The following PACC1 variants were observed in gnomAD, a reference collection of about 807,000 sequenced individuals.
The protein encoded by PACC1 is proton activated chloride channel 1, also known as proton-activated chloride channel.
A neutral mutation model predicts 39.7 loss-of-function variants in PACC1; 34 were observed. The ratio of observed to expected loss-of-function variants is 0.86; its 90% confidence interval spans 0.65 to 1.14. The LOEUF (loss-of-function observed/expected upper bound fraction) is 1.14. Among genes scored for constraint, PACC1 ranks in the 50% most tolerant of loss-of-function variants. The probability of loss-of-function intolerance (pLI) is 0.00; values close to 1 mark genes in which losing one functional copy is unlikely to be tolerated. For missense variants in PACC1, 379 were observed against 436.4 expected (o/e 0.87, Z 1.17); for synonymous variants, 127 against 160.6 (o/e 0.79, Z 1.58).
chr1:212,414,867 T>G lies in PACC1; in HGVS notation c.-110A>C. 1 of 1,424,800 alleles carries G rather than the reference T, an allele frequency of 7.0e-7. No individual in the cohort carries two copies. The highest frequency in any genetic ancestry group is 1.4e-5 in the African/African-American group (1 of 70,466). The allele number at this position is 1,424,800 out of a possible 1,614,324, so 88.3% of individuals were successfully genotyped here. On this transcript the variant is annotated 5_prime_UTR_variant, in exon 1 of 8. Transcript: ENST00000261455. The stretch of plus-strand genomic sequence containing the variant: ...TACCGGCTCCGCGAGGCGAAACCGG[T>G]CCGGAGGGGCGTCCCAGAGACCAGG...
Position 212,404,161 on chromosome 1 carries a change from C to T in PACC1, c.133+6264G>A, listed in dbSNP as rs891877078. Reference sequence around the variant, plus strand: ...TCGCTCTGTCGCCCAGGCTGGAGTACAGTGGCGCGATCTCAGCTCACTGCA... The same window carrying T: ...TCGCTCTGTCGCCCAGGCTGGAGTATAGTGGCGCGATCTCAGCTCACTGCA... On this transcript the variant is annotated intron_variant, in intron 2 of 7. Transcript: ENST00000261455. Among the ~76,000 whole-genome samples, 6 of 152,044 alleles carry T rather than the reference C, an allele frequency of 3.9e-5. No individual in the cohort carries two copies. The South Asian group carries it at 1.0e-3, about 26-fold the overall frequency.
At chr1:212,382,323 T>A in intron 4 of PACC1, among the ~76,000 whole-genome samples, 1 of 151,938 alleles carries the variant, frequency 6.6e-6, no homozygotes, top group Non-Finnish European at 1.5e-5. Context: ...ATTACAGGCA[T>A]GAGCCACCAC....
intron 2 of PACC1, among the ~76,000 whole-genome samples, chr1:212,407,497 C>T (rs974036222): frequency 6.6e-6 from 1 of 152,184 alleles, no homozygotes; most frequent in Non-Finnish European, 1.5e-5. Context: ...CAATAGAAAA[C>T]TAATATACAG....
chr1:212,376,099 G>C (rs1660656104), intron 6 of PACC1, among the ~76,000 whole-genome samples: 1 of 152,140 alleles, frequency 6.6e-6, no homozygotes, highest in South Asian at 2.1e-4. Flanking sequence ...ATACTTAGTA[G>C]GTGTGCTTGG....
Position 212,389,321 on chromosome 1 carries a change from CA to C in PACC1, c.134-2222del, listed in dbSNP as rs374706804. Among the ~76,000 whole-genome samples, 198 of 152,228 alleles carry C rather than the reference CA, an allele frequency of 1.3e-3. 3 individuals carry two copies. The highest frequency in any genetic ancestry group is 4.6e-3 in the African/African-American group (191 of 41,534). On this transcript the variant is annotated intron_variant, in intron 2 of 7. Transcript: ENST00000261455. ...TGTTCAGATCCTTGGCTGGAGAACCCAGGGGGGGCCAGCAAAAAGTAACAAC... is the reference window on the plus strand; with the variant it reads ...TGTTCAGATCCTTGGCTGGAGAACCCGGGGGGGCCAGCAAAAAGTAACAAC...
chr1:212,414,631 G>T, intron 1 of PACC1, 91 bp downstream of exon 1: 1 of 1,505,832 alleles, frequency 6.6e-7, no homozygotes, highest in Non-Finnish European at 9.1e-7. Context: ...CTGCCGCGCA[G>T]CCCCGACACC....
chr1:212,399,867 G>C (rs186488854), intron 2 of PACC1, among the ~76,000 whole-genome samples: 2 of 150,176 alleles, frequency 1.3e-5, no homozygotes, highest in East Asian at 4.0e-4. Flanking sequence ...TTTTTGAGAC[G>C]GAGTTTCACT....
intron 7 of PACC1, among the ~76,000 whole-genome samples, chr1:212,366,725 T>C (rs754946246): frequency 6.6e-6 from 1 of 152,132 alleles, no homozygotes; most frequent in East Asian, 1.9e-4. Flanking sequence ...ATACTGAATA[T>C]AGTAGGTTAA....
intron 2 of PACC1, among the ~76,000 whole-genome samples, chr1:212,409,037 T>A (rs774269291): frequency 6.6e-6 from 1 of 152,242 alleles, no homozygotes; most frequent in Non-Finnish European, 1.5e-5. Flanking sequence ...GCAAATCCTA[T>A]TGTAAGCTGC....
rs372871874 is a variant in PACC1, at chr1:212,406,072, G to T, written c.133+4353C>A. Among the ~76,000 whole-genome samples, 3 of 120,588 alleles carry T rather than the reference G, an allele frequency of 2.5e-5. 1 individual carries two copies. The South Asian group carries it at 8.3e-4, about 34-fold the overall frequency. The allele number at this position is 120,588 out of a possible 152,430, so 79.1% of individuals were successfully genotyped here. ...TGAGCCATGATCACACCACTGTACT[G>T]TAGCCCAGTCCACAAAGCAAGGTCC... On this transcript the variant is annotated intron_variant, in intron 2 of 7. Transcript: ENST00000261455.
chr1:212,368,882 A>C (rs1198039078), intron 7 of PACC1, among the ~76,000 whole-genome samples: 1 of 152,084 alleles, frequency 6.6e-6, no homozygotes, highest in African/African-American at 2.4e-5. Flanking sequence ...AATACAAAAA[A>C]TTAGCCGGGC....
chr1:212,400,189 CAATAT>C (rs1339119371), intron 2 of PACC1, among the ~76,000 whole-genome samples: 3 of 152,064 alleles, frequency 2.0e-5, no homozygotes, highest in African/African-American at 7.2e-5. Context: ...CCAGGCTGAA[CAATAT>C]AATAAAGACG....
At chr1:212,377,435 T>G (rs1358162394) in intron 6 of PACC1, 127 bp downstream of exon 6, 1 of 1,316,152 alleles carries the variant, frequency 7.6e-7, no homozygotes, top group Non-Finnish European at 1.1e-6. Context: ...TCCCTTCTCA[T>G]CCTGACCAAG....
At chr1:212,414,086 G>A in intron 1 of PACC1, 1 of 1,530,660 alleles carries the variant, frequency 6.5e-7, no homozygotes, top group African/African-American at 1.4e-5. Flanking sequence ...ACAGCCTGCA[G>A]CGCAGGACAG....
At chr1:212,404,145 C>T (rs1172801109) in intron 2 of PACC1, among the ~76,000 whole-genome samples, 2 of 151,696 alleles carry the variant, frequency 1.3e-5, no homozygotes, top group African/African-American at 2.4e-5. Context: ...CTCGCTCTGT[C>T]GCCCAGGCTG....
intron 2 of PACC1, among the ~76,000 whole-genome samples, chr1:212,409,962 C>T (rs997540525): frequency 2.6e-5 from 4 of 152,102 alleles, no homozygotes; most frequent in Non-Finnish European, 5.9e-5. Context: ...TGTATCCGGG[C>T]GGAAGAAGTA....
chr1:212,385,394 C>T lies in PACC1; in HGVS notation c.375G>A (p.Leu125=), dbSNP rs769406850. The T allele has an allele frequency of 6.2e-7, 1 of 1,614,038 alleles. No homozygotes were observed. The highest frequency in any genetic ancestry group is 8.5e-7 in the Non-Finnish European group (1 of 1,180,002). ...GIALYPGQAQ[L]LSCKHHYEVI... ...CCTCGTAATGGTGCTTACAGCTGAG[C>T]AACTGGGCCTGACCGGGGTACAAGG... Residue 125 remains leucine (L), a synonymous_variant, in exon 4 of 8, where the codon TTG becomes TTA. Transcript: ENST00000261455.
In PACC1 at chr1:212,364,958, T is replaced by G; in HGVS notation, c.*257A>C. The stretch of plus-strand genomic sequence containing the variant: ...TTCTACAAACCCTATTCAAAAGTCA[T>G]TGGCCAGCTCTTTAAAAAGTTTATT... On this transcript the variant is annotated 3_prime_UTR_variant, in exon 8 of 8. Transcript: ENST00000261455. The G allele has an allele frequency of 4.3e-6, 1 of 234,536 alleles. No individual in the cohort carries two copies. The highest frequency in any genetic ancestry group is 8.1e-6 in the Non-Finnish European group (1 of 123,838). The allele number at this position is 234,536 out of a possible 1,614,324, so 14.5% of individuals were successfully genotyped here.
chr1:212,377,421 G>A (rs1660704737), intron 6 of PACC1, 141 bp downstream of exon 6: 3 of 1,131,882 alleles, frequency 2.7e-6, no homozygotes, highest in Non-Finnish European at 3.8e-6. Context: ...GCCCTCCATG[G>A]GAGTCCCTTC....
Sources: allele counts gnomAD v4.1 joint callset (sites outside exome capture counted in the v4.1 genomes callset), GRCh38; gene constraint gnomAD v4.1.1; transcripts MANE v1.5; gene names NCBI Gene and HGNC (gene_info 2026-07-23, HGNC 2026-07-21).